Variants in MTCL2 observed in about 807,000 individuals in gnomAD.
The protein encoded by MTCL2 is microtubule crosslinking factor 2, also known as microtubule cross-linking factor 2.
At chr20:36,780,189 G>A in the MTCL2 span, 2 of 152,008 alleles carry the variant, frequency 1.3e-5, no homozygotes, top group African/African-American at 4.8e-5. Flanking sequence ...CAAAAAATGA[G>A]GGGGCTGGAC....
the MTCL2 span, among the ~76,000 whole-genome samples, chr20:36,795,081 G>C: frequency 6.6e-6 from 1 of 152,070 alleles, no homozygotes; most frequent in Non-Finnish European, 1.5e-5. Context: ...TGAAATTACA[G>C]GCGTGCGCCA....
the MTCL2 span, chr20:36,782,107 A>ACAGGTGTGACCACTGCACCCACCCC: frequency 2.6e-5 from 4 of 152,274 alleles, no homozygotes; most frequent in Non-Finnish European, 5.9e-5. Flanking sequence ...TGCTGGGATT[A>ACAGGTGTGACCACTGCACCCACCCC]CAGGTGTGAC....
chr20:36,784,073 G>A, the MTCL2 span: 19 of 985,454 alleles, frequency 1.9e-5, no homozygotes, highest in Non-Finnish European at 2.2e-5. Context: ...GTGGTCCGTA[G>A]GTCTTGGGGC....
chr20:36,863,430 T>A, the MTCL2 span: 1 of 1,024,370 alleles, frequency 9.8e-7, no homozygotes, highest in Non-Finnish European at 1.2e-6. This position sits in a 1 kb window ranked among gnomAD's most constrained non-coding sequence, Gnocchi z 6.2. Flanking sequence ...CCGGCGCGGC[T>A]CCGGCCGCTG....
At chr20:36,803,239 AC>A in the MTCL2 span, 2 of 1,362,180 alleles carry the variant, frequency 1.5e-6, no homozygotes, top group Non-Finnish European at 1.9e-6. Flanking sequence ...CTAGGGACTA[AC>A]CCAGCTTAGT....
the MTCL2 span, chr20:36,785,011 G>A: frequency 2.0e-6 from 2 of 985,476 alleles, no homozygotes; most frequent in Non-Finnish European, 2.4e-6. Context: ...AGGGAGGGAG[G>A]GAAATGAGAC....
At chr20:36,809,377 C>A in the MTCL2 span, among the ~76,000 whole-genome samples, 1 of 152,156 alleles carries the variant, frequency 6.6e-6, no homozygotes, top group East Asian at 1.9e-4. Context: ...GAACTATTAT[C>A]TTGATTAGAA....
the MTCL2 span, chr20:36,785,057 G>T: frequency 4.1e-6 from 4 of 985,328 alleles, no homozygotes; most frequent in African/African-American, 7.0e-5. Flanking sequence ...GGTGATGGCC[G>T]TCCAGCCCTC....
the MTCL2 span, among the ~76,000 whole-genome samples, chr20:36,795,261 A>T: frequency 1.3e-5 from 2 of 151,764 alleles, no homozygotes; most frequent in African/African-American, 4.8e-5. Flanking sequence ...AATTTTTAAA[A>T]AATTTTTTGT....
At chr20:36,818,562 G>C in the MTCL2 span, among the ~76,000 whole-genome samples, 1 of 152,220 alleles carries the variant, frequency 6.6e-6, no homozygotes, top group Admixed American at 6.5e-5. Flanking sequence ...TACTTTGGGA[G>C]GCTGAGGTGA....
chr20:36,862,264 G>A, the MTCL2 span, among the ~76,000 whole-genome samples: 1 of 152,218 alleles, frequency 6.6e-6, no homozygotes, highest in Non-Finnish European at 1.5e-5. Flanking sequence ...GGTTTCCCTG[G>A]CGGCGGTGTC....
the MTCL2 span, chr20:36,794,307 C>T: frequency 1.9e-6 from 3 of 1,560,420 alleles, no homozygotes; most frequent in Non-Finnish European, 2.6e-6. This position sits in a 1 kb window ranked among gnomAD's most constrained non-coding sequence, Gnocchi z 5.4. Flanking sequence ...AGGCGCCGGG[C>T]CACCGGGGGA....
chr20:36,832,312 C>T, the MTCL2 span, among the ~76,000 whole-genome samples: 1 of 152,342 alleles, frequency 6.6e-6, no homozygotes, highest in Non-Finnish European at 1.5e-5. Flanking sequence ...CAGCTCCTCT[C>T]CACCTGCGGG....
chr20:36,783,886 T>G, the MTCL2 span: 1 of 985,044 alleles, frequency 1.0e-6, no homozygotes, highest in East Asian at 1.1e-4. Flanking sequence ...AATATTTACA[T>G]GTAACATTTT....
the MTCL2 span, among the ~76,000 whole-genome samples, chr20:36,813,752 C>CAAAAAAAAAAAAAAAAAAAAAA: frequency 4.6e-5 from 3 of 65,832 alleles, no homozygotes; most frequent in East Asian, 5.7e-4. Flanking sequence ...GACTCTGTCT[C>CAAAAAAAAAAAAAAAAAAAAAA]AAAAAAAAAA....
the MTCL2 span, chr20:36,797,485 G>A: frequency 1.9e-6 from 3 of 1,552,414 alleles, no homozygotes; most frequent in East Asian, 2.4e-5. Flanking sequence ...TAGCATGGCA[G>A]CAGCCGCCCC....
chr20:36,839,309 G>A, the MTCL2 span: 1 of 1,612,890 alleles, frequency 6.2e-7, no homozygotes, highest in Non-Finnish European at 8.5e-7. The surrounding 1 kb of genome is among the most constrained non-coding windows in gnomAD (Gnocchi z 5.1). Context: ...TTGCGCAGCC[G>A]GTACTGCAGG....
the MTCL2 span, chr20:36,785,258 C>T: frequency 2.5e-5 from 25 of 985,254 alleles, no homozygotes; most frequent in African/African-American, 4.4e-4. Context: ...GCCTCGTCCA[C>T]CCAGGGGACC....
chr20:36,818,968 G>A, the MTCL2 span, among the ~76,000 whole-genome samples: 1 of 152,002 alleles, frequency 6.6e-6, no homozygotes, highest in Non-Finnish European at 1.5e-5. Flanking sequence ...ACTCCTGTTA[G>A]ATAAATGCAA....
Sources: gnomAD v4.1 joint callset for allele counts (sites outside exome capture counted in the v4.1 genomes callset) on GRCh38, gnomAD v4.1.1 for gene constraint, Gnocchi (gnomAD v3.1) non-coding constraint, MANE v1.5 for transcripts, NCBI Gene and HGNC (gene_info 2026-07-23, HGNC 2026-07-21) for gene names.